Variants in ERC2 observed in about 807,000 individuals in gnomAD.
ERC2 encodes the protein ELKS/RAB6-interacting/CAST family member 2, also known as ERC protein 2.
Under a neutral mutation model 114.8 loss-of-function variants are expected in ERC2, and 42 were observed. The ratio of observed to expected loss-of-function variants is 0.37; its 90% CI spans 0.29 to 0.47. The LOEUF is 0.47. Ranked by LOEUF, ERC2 falls within the 20% of genes least tolerant of loss-of-function variation. The pLI, the probability that ERC2 is intolerant of heterozygous loss-of-function variation, is 0.99. For synonymous variants in ERC2, 454 were observed against 425.5 expected, an observed-to-expected ratio of 1.07 and a Z score of -0.82; for missense variants, 939 against 1,150.7, an observed-to-expected ratio of 0.82 and a Z score of 2.66.
At chr3:55,869,682 C>T (rs948954041) in intron 14 of ERC2, among the ~76,000 whole-genome samples, 1 of 152,076 alleles carries the variant, frequency 6.6e-6, no homozygotes, top group African/African-American at 2.4e-5. Flanking sequence ...CACTTACCAC[C>T]CTGTATTATA....
intron 14 of ERC2, among the ~76,000 whole-genome samples, chr3:55,840,207 T>C (rs1382106195): frequency 6.6e-6 from 1 of 151,940 alleles, no homozygotes; most frequent in Admixed American, 6.6e-5. Flanking sequence ...CCACACTAGG[T>C]GAAAAGATTT....
intron 13 of ERC2, among the ~76,000 whole-genome samples, chr3:55,916,433 G>A (rs1434820339): frequency 1.3e-5 from 2 of 152,134 alleles, no homozygotes; most frequent in East Asian, 3.8e-4. Flanking sequence ...TAAGATTCCA[G>A]TTGGTGTCAA....
chr3:55,953,402 G>T (rs887191685), intron 12 of ERC2, among the ~76,000 whole-genome samples: 1 of 152,190 alleles, frequency 6.6e-6, no homozygotes, highest in Non-Finnish European at 1.5e-5. Context: ...AGGTGGATGA[G>T]AATGATCATC....
chr3:55,715,681 A>G (rs79714441), intron 15 of ERC2, among the ~76,000 whole-genome samples: 2,480 of 152,298 alleles, frequency 0.016, 39 homozygotes, highest in East Asian at 0.042. Flanking sequence ...CATTAAAAGA[A>G]TAAAGCACCA....
intron 2 of ERC2, among the ~76,000 whole-genome samples, chr3:56,388,858 G>A (rs535030123): frequency 9.9e-5 from 15 of 152,136 alleles, no homozygotes; most frequent in African/African-American, 3.4e-4. Context: ...TAGGTGGCAC[G>A]CCCCAAAAAA....
chr3:55,686,172 C>T (rs1443569772), intron 16 of ERC2, among the ~76,000 whole-genome samples: 1 of 151,868 alleles, frequency 6.6e-6, no homozygotes, highest in African/African-American at 2.4e-5. Context: ...TCCCAGATGT[C>T]GAGGGTTATT....
chr3:55,799,666 T>C (rs963223367), intron 14 of ERC2, among the ~76,000 whole-genome samples: 15 of 151,944 alleles, frequency 9.9e-5, no homozygotes, highest in Non-Finnish European at 1.8e-4. Context: ...GGCCACTGTA[T>C]GGTGCCATCT....
chr3:56,006,809 A>G (rs1338704165), intron 10 of ERC2, among the ~76,000 whole-genome samples: 2 of 152,140 alleles, frequency 1.3e-5, no homozygotes, highest in African/African-American at 4.8e-5. Flanking sequence ...ATCTGAAAGT[A>G]GCAAAAGTTT....
intron 14 of ERC2, among the ~76,000 whole-genome samples, chr3:55,836,469 T>C (rs1014450506): frequency 3.9e-5 from 6 of 152,192 alleles, no homozygotes; most frequent in Non-Finnish European, 8.8e-5. Flanking sequence ...AATTATATGA[T>C]CTTTGACAAA....
Position 56,346,269 on chromosome 3 carries a change from G to A in ERC2, c.658-49834C>T, listed in dbSNP as rs769251319. Reference sequence around the variant, plus strand: ...TGACTAAAATATGGTCTCCATGGCTGTGTCACATTTTTTTAAATTTCTACT... The same window carrying A: ...TGACTAAAATATGGTCTCCATGGCTATGTCACATTTTTTTAAATTTCTACT... On this transcript the variant is annotated intron_variant, in intron 2 of 17. Transcript: ENST00000288221. 1.5e-4 allele frequency among the ~76,000 whole-genome samples: 23 copies of A among 152,162 alleles called. 1 individual carries two copies. The highest frequency in any genetic ancestry group is 5.9e-5 in the Non-Finnish European group (4 of 68,032).
At chr3:56,084,619 T>A (rs911390675) in intron 6 of ERC2, among the ~76,000 whole-genome samples, 2 of 152,100 alleles carry the variant, frequency 1.3e-5, no homozygotes, top group Non-Finnish European at 2.9e-5. Context: ...AACCAAATAC[T>A]GCATGTTCTC....
intron 17 of ERC2, among the ~76,000 whole-genome samples, chr3:55,626,075 T>G (rs1465216893): frequency 1.3e-5 from 2 of 152,240 alleles, no homozygotes; most frequent in African/African-American, 4.8e-5. Flanking sequence ...AGAGTCCATC[T>G]TGCACAATAC....
intron 13 of ERC2, among the ~76,000 whole-genome samples, chr3:55,908,845 C>A (rs2064627623): frequency 6.6e-6 from 1 of 152,090 alleles, no homozygotes; most frequent in African/African-American, 2.4e-5. Context: ...CGTGCCTGCC[C>A]CAAGGACCAC....
At chr3:56,335,047 T>G (rs756437197) in intron 2 of ERC2, among the ~76,000 whole-genome samples, 11 of 152,154 alleles carry the variant, frequency 7.2e-5, no homozygotes, top group Non-Finnish European at 1.5e-4. Flanking sequence ...TCAGGTGATC[T>G]GCCCACCTTG....
chr3:55,792,852 G>A (rs1374657386), intron 14 of ERC2, among the ~76,000 whole-genome samples: 3 of 152,180 alleles, frequency 2.0e-5, no homozygotes, highest in Non-Finnish European at 4.4e-5. Flanking sequence ...AGAGCTGGTG[G>A]ATTCTGGGTG....
chr3:56,428,295 C>T (rs965403355), intron 2 of ERC2, among the ~76,000 whole-genome samples: 4 of 151,994 alleles, frequency 2.6e-5, no homozygotes, highest in South Asian at 2.1e-4. Context: ...CTGAGGCGGG[C>T]GGATCACCTG....
chr3:55,787,020 T>C (rs1047047362), intron 14 of ERC2, among the ~76,000 whole-genome samples: 1 of 152,212 alleles, frequency 6.6e-6, no homozygotes, highest in Non-Finnish European at 1.5e-5. Flanking sequence ...AGATAGGACC[T>C]AGTTTTAATA....
intron 14 of ERC2, among the ~76,000 whole-genome samples, chr3:55,843,542 G>A (rs1213440993): frequency 1.3e-5 from 2 of 152,240 alleles, no homozygotes; most frequent in Non-Finnish European, 2.9e-5. Flanking sequence ...GAGATCAAAA[G>A]TGTGATTTAT....
chr3:55,751,469 C>T (rs141998841), intron 14 of ERC2, among the ~76,000 whole-genome samples: 5 of 152,260 alleles, frequency 3.3e-5, no homozygotes, highest in Non-Finnish European at 7.3e-5. Flanking sequence ...CATACTCTGC[C>T]TCTCTTTCGT....
Sources: gnomAD v4.1 joint callset for allele counts (sites outside exome capture counted in the v4.1 genomes callset) on GRCh38, gnomAD v4.1.1 for gene constraint, MANE v1.5 for transcripts, NCBI Gene and HGNC (gene_info 2026-07-23, HGNC 2026-07-21) for gene names.